ARHGAP15: variants seen among roughly 807,000 people sequenced by gnomAD.
ARHGAP15 encodes rho GTPase-activating protein 15.
A neutral mutation model predicts 63.7 loss-of-function variants in ARHGAP15; 51 were observed. That is an observed-to-expected ratio of 0.80 (90% CI 0.64 to 1.01). The LOEUF is 1.01. Ranked by LOEUF, ARHGAP15 falls within the 50% of genes least tolerant of loss-of-function variation. The pLI is 0.00. For synonymous variants in ARHGAP15, 191 were observed against 193.8 expected, an observed-to-expected ratio of 0.99 and a Z score of 0.12; for missense variants, 560 against 564.6, an observed-to-expected ratio of 0.99 and a Z score of 0.08.
At chr2:143,736,683 A>T (rs1247943818) in intron 13 of ARHGAP15, among the ~76,000 whole-genome samples, 2 of 152,226 alleles carry the variant, frequency 1.3e-5, no homozygotes, top group Non-Finnish European at 2.9e-5. Context: ...TCAAAAATTA[A>T]CAGTTACTAC....
intron 10 of ARHGAP15, among the ~76,000 whole-genome samples, chr2:143,536,431 G>T (rs1243024754): frequency 6.6e-6 from 1 of 151,522 alleles, no homozygotes; most frequent in Non-Finnish European, 1.5e-5. Flanking sequence ...GTGCAGGTTT[G>T]TTACATATGT....
chr2:143,529,198 T>C (rs1051429500), intron 10 of ARHGAP15, among the ~76,000 whole-genome samples: 5 of 152,162 alleles, frequency 3.3e-5, no homozygotes, highest in Non-Finnish European at 7.4e-5. Flanking sequence ...CCCGCAGCAT[T>C]ACAATCTATA....
At chr2:143,397,586 T>A (rs1230133547) in intron 6 of ARHGAP15, among the ~76,000 whole-genome samples, 1 of 151,986 alleles carries the variant, frequency 6.6e-6, no homozygotes, top group Non-Finnish European at 1.5e-5. Context: ...AAATAAAATA[T>A]AACCCTAGCA....
Position 143,435,911 on chromosome 2 carries a change from T to G in ARHGAP15, c.573+212T>G, listed in dbSNP as rs180794571. On this transcript the variant is annotated intron_variant, in intron 7 of 13. Transcript: ENST00000295095. ...TAATTTCTCTCTTTCAAAAATATAGTGCATTCTTTCTTTTTTTCTGAAATA... is the reference window on the plus strand; with the variant it reads ...TAATTTCTCTCTTTCAAAAATATAGGGCATTCTTTCTTTTTTTCTGAAATA... Among the ~76,000 whole-genome samples the G allele has an allele frequency of 1.2e-3, 178 of 152,242 alleles. 1 individual carries two copies. The East Asian group carries it at 0.018, about 15-fold the overall frequency.
chr2:143,414,064 G>T (rs997798890), intron 6 of ARHGAP15, among the ~76,000 whole-genome samples: 16 of 151,490 alleles, frequency 1.1e-4, no homozygotes, highest in African/African-American at 3.6e-4. Context: ...AATATTTTTA[G>T]AGGACTATTA....
At chr2:143,591,910 G>A (rs1225108174) in intron 11 of ARHGAP15, among the ~76,000 whole-genome samples, 3 of 145,898 alleles carry the variant, frequency 2.1e-5, no homozygotes, top group East Asian at 4.0e-4. Context: ...GTGAGCCACT[G>A]CACCTGGCTG....
chr2:143,401,711 C>T (rs1332826407), intron 6 of ARHGAP15, among the ~76,000 whole-genome samples: 1 of 151,852 alleles, frequency 6.6e-6, no homozygotes, highest in African/African-American at 2.4e-5. Context: ...TTTCTAATTA[C>T]TTATACCATC....
intron 11 of ARHGAP15, among the ~76,000 whole-genome samples, chr2:143,557,757 A>G (rs1478988908): frequency 2.0e-5 from 3 of 151,894 alleles, no homozygotes; most frequent in African/African-American, 7.2e-5. Flanking sequence ...TTTCTGCTCA[A>G]TTATTCTGTA....
At chr2:143,137,191 A>G (rs1015920595) in intron 1 of ARHGAP15, among the ~76,000 whole-genome samples, 2 of 152,012 alleles carry the variant, frequency 1.3e-5, no homozygotes, top group Non-Finnish European at 2.9e-5. Context: ...GGAATTTATT[A>G]TTTATTTTTC....
chr2:143,153,794 C>A (rs1320952458), intron 1 of ARHGAP15, among the ~76,000 whole-genome samples: 53 of 44,698 alleles, frequency 1.2e-3, no homozygotes, highest in African/African-American at 3.8e-3. Flanking sequence ...TCTTCTTCTT[C>A]TTCTTCTTCT....
chr2:143,301,834 C>A (rs1013408210), intron 6 of ARHGAP15, among the ~76,000 whole-genome samples: 1 of 150,894 alleles, frequency 6.6e-6, no homozygotes, highest in African/African-American at 2.4e-5. Flanking sequence ...TATATGGAGA[C>A]AACATATATA....
At chr2:143,528,397 ATG>A (rs1298338002) in intron 10 of ARHGAP15, among the ~76,000 whole-genome samples, 1 of 152,030 alleles carries the variant, frequency 6.6e-6, no homozygotes, top group African/African-American at 2.4e-5. Flanking sequence ...TTTGTTTTCC[ATG>A]TACCTCTCAG....
rs141826691 is a variant in ARHGAP15 at position 143,443,197 on chromosome 2, G to C, written c.703+6155G>C. On this transcript the variant is annotated intron_variant, in intron 8 of 13. Transcript: ENST00000295095. ...AAAGTTTTTTCTTATTAAGAATTTT[G>C]TGTAAAACAGTCTAATCCTGCCAAT... Among the ~76,000 whole-genome samples the C allele has an allele frequency of 2.9e-3, 444 of 152,194 alleles. 1 individual carries two copies. The highest frequency in any genetic ancestry group is 0.024 in the Middle Eastern group (7 of 294).
At chr2:143,587,449 G>A (rs994441453) in intron 11 of ARHGAP15, among the ~76,000 whole-genome samples, 5 of 152,096 alleles carry the variant, frequency 3.3e-5, no homozygotes, top group African/African-American at 9.7e-5. Flanking sequence ...AATTAGTTCT[G>A]ATGCTTTTCA....
At chr2:143,724,068 T>TGTGTGTGG (rs1347340459) in intron 13 of ARHGAP15, among the ~76,000 whole-genome samples, 1 of 151,678 alleles carries the variant, frequency 6.6e-6, no homozygotes, top group East Asian at 1.9e-4. Context: ...TGTGTGTGTG[T>TGTGTGTGG]GTGTGTATGT....
chr2:143,541,144 T>C (rs1383072871), intron 10 of ARHGAP15, among the ~76,000 whole-genome samples: 2 of 152,252 alleles, frequency 1.3e-5, no homozygotes, highest in African/African-American at 4.8e-5. Context: ...CCATCGCTGA[T>C]ACCCTTTCTG....
intron 6 of ARHGAP15, among the ~76,000 whole-genome samples, chr2:143,265,491 A>T (rs1258972107): frequency 6.6e-6 from 1 of 152,286 alleles, no homozygotes; most frequent in East Asian, 1.9e-4. Context: ...TTTTATTGCA[A>T]ATGGTATTTT....
At chr2:143,728,736 C>T (rs1685398339) in intron 13 of ARHGAP15, among the ~76,000 whole-genome samples, 1 of 152,078 alleles carries the variant, frequency 6.6e-6, no homozygotes, top group Admixed American at 6.5e-5. Context: ...CGACCGAGCC[C>T]CACCCCGCCT....
At chr2:143,693,099 T>C (rs1285524545) in intron 12 of ARHGAP15, among the ~76,000 whole-genome samples, 1 of 152,166 alleles carries the variant, frequency 6.6e-6, no homozygotes, top group African/African-American at 2.4e-5. Context: ...TCTTCATTCA[T>C]ATCCCCCCAG....
Sources: gnomAD v4.1 joint callset for allele counts (sites outside exome capture counted in the v4.1 genomes callset) on GRCh38, gnomAD v4.1.1 for gene constraint, MANE v1.5 for transcripts, NCBI Gene and HGNC (gene_info 2026-07-23, HGNC 2026-07-21) for gene names.